STMN3: variants seen among roughly 807,000 people sequenced by gnomAD.
The protein encoded by STMN3 is stathmin-3.
In STMN3, 24 loss-of-function variants were observed where a neutral mutation model predicts 23.2. The observed-to-expected ratio is 1.03, with a 90% CI of 0.75 to 1.45. The LOEUF (loss-of-function observed/expected upper bound fraction) is 1.45. Ranked by LOEUF, STMN3 falls within the 40% of genes most tolerant of loss-of-function variation. The pLI is 0.00. For missense variants in STMN3, 235 were observed against 237.6 expected (o/e 0.99, Z 0.07); for synonymous variants, 117 against 103.4 (o/e 1.13, Z -0.80).
rs372125936 is a variant in STMN3 at position 63,644,192 on chromosome 20, C to A, written c.115+22G>T. Reference sequence around the variant, plus strand: ...GGTGGGCAGGCACCGCAGGGAAGGGCAGGCGGCAGCCAGGCACTCACCCCC... The same window carrying A: ...GGTGGGCAGGCACCGCAGGGAAGGGAAGGCGGCAGCCAGGCACTCACCCCC... On this transcript the variant is annotated intron_variant, in intron 2 of 4. Coordinates refer to ENST00000370053, the MANE Select transcript of STMN3 (RefSeq NM_015894.4). The A allele has an allele frequency of 2.9e-4, 470 of 1,602,860 alleles. 1 individual carries two copies. Among genetic ancestry groups the A allele is most frequent in the Admixed American group, 1.7e-3 (100 of 59,844 alleles).
At chr20:63,646,084 G>A (rs888001705) in intron 1 of STMN3, among the ~76,000 whole-genome samples, 1 of 152,134 alleles carries the variant, frequency 6.6e-6, no homozygotes, top group African/African-American at 2.4e-5. Context: ...GTCTTCTGGT[G>A]ACAGTGCAGA....
intron 1 of STMN3, among the ~76,000 whole-genome samples, chr20:63,646,671 C>T (rs1220267718): frequency 6.6e-6 from 1 of 151,856 alleles, no homozygotes; most frequent in Non-Finnish European, 1.5e-5. Context: ...TTTTTAGAAA[C>T]AGGACTGTGC....
chr20:63,641,844 C>A (rs2089765891), intron 4 of STMN3, among the ~76,000 whole-genome samples: 1 of 143,846 alleles, frequency 7.0e-6, no homozygotes, highest in Non-Finnish European at 1.5e-5. Flanking sequence ...TCCGCCCTAG[C>A]CCCGCCCCCG....
chr20:63,642,375 TC>T, intron 3 of STMN3, 76 bp from the exon 4 acceptor site: 1 of 1,134,532 alleles, frequency 8.8e-7, no homozygotes, highest in Non-Finnish European at 1.1e-6. Flanking sequence ...GCTCTCCGCC[TC>T]CCGCCCAGCG....
At chr20:63,642,695 A>G (rs2089778701) in intron 3 of STMN3, among the ~76,000 whole-genome samples, 2 of 152,208 alleles carry the variant, frequency 1.3e-5, no homozygotes, top group Non-Finnish European at 2.9e-5. Flanking sequence ...TTCCTCGGAC[A>G]TCCGCCCACT....
intron 3 of STMN3, among the ~76,000 whole-genome samples, 181 bp from the exon 4 acceptor site, chr20:63,642,480 G>A (rs1239035542): frequency 6.6e-6 from 1 of 151,714 alleles, no homozygotes; most frequent in Admixed American, 6.6e-5. Flanking sequence ...CTGCCATCCG[G>A]CCTGTGGTCG....
At position 63,652,135 on chromosome 20, in the gene STMN3, GTGC is replaced by G. The variant is rs2089864563; in HGVS notation, c.19+1189_19+1191del. On this transcript the variant is annotated intron_variant, in intron 1 of 4. Transcript: ENST00000370053. The surrounding 1 kb of genome is among the most constrained non-coding windows in gnomAD (Gnocchi z 5.3). ...GACACACACGGTCCCCTCCTGGCAGGTGCTGAAGTCACCTGGAGCCTCCAAGCC... is the reference window on the plus strand; with the variant it reads ...GACACACACGGTCCCCTCCTGGCAGGTGAAGTCACCTGGAGCCTCCAAGCC... The G allele has an allele frequency of 6.6e-6, 1 of 152,318 alleles. No homozygotes were observed. The highest frequency in any genetic ancestry group is 1.5e-5 in the Non-Finnish European group (1 of 68,116). 9.4% of individuals were successfully genotyped at this position (152,318 alleles called of 1,614,324 possible).
chr20:63,653,412 C>T lies in STMN3; in HGVS notation c.-67G>A. On this transcript the variant is annotated 5_prime_UTR_variant, in exon 1 of 5. Transcript: ENST00000370053. Reference sequence around the variant, plus strand: ...AAGTGGCGGCCGGAGCTGCAGACGGCTGGTGCTGCAGTGCCGGGGAGGGGA... The same window carrying T: ...AAGTGGCGGCCGGAGCTGCAGACGGTTGGTGCTGCAGTGCCGGGGAGGGGA... The T allele has an allele frequency of 7.9e-7, 1 of 1,273,452 alleles. No homozygotes were observed. The highest frequency in any genetic ancestry group is 1.0e-6 in the Non-Finnish European group (1 of 975,960). The allele number at this position is 1,273,452 out of a possible 1,614,324, so 78.9% of individuals were successfully genotyped here. A position where few individuals can be genotyped will look rare whatever the true frequency, so the allele number is the denominator to read the frequency against.
chr20:63,650,543 C>T lies in STMN3; in HGVS notation c.19+2784G>A, dbSNP rs1319364184. 5.1e-4 allele frequency among the ~76,000 whole-genome samples: 65 copies of T among 127,432 alleles called. 1 individual carries two copies. The highest frequency in any genetic ancestry group is 4.9e-3 in the Admixed American group (64 of 12,996). The allele number at this position is 127,432 out of a possible 152,430, so 83.6% of individuals were successfully genotyped here. On this transcript the variant is annotated intron_variant, in intron 1 of 4. Coordinates refer to ENST00000370053, the MANE Select transcript of STMN3 (RefSeq NM_015894.4). ...TGCCCACTCCCAGGGTCACACCTCA[C>T]GCCCACCCCTCCCGTCGCCCAGGTG...
chr20:63,652,861 G>C lies in STMN3; in HGVS notation c.19+466C>G. On this transcript the variant is annotated intron_variant, in intron 1 of 4. Transcript: ENST00000370053. The surrounding 1 kb of genome is among the most constrained non-coding windows in gnomAD (Gnocchi z 5.3). ...CCTCCAGCCCCTGTGCTGCACTGGC[G>C]CGGGGAGCGCCGGGTTCCCGGCTGG... The C allele has an allele frequency of 1.1e-6, 1 of 912,556 alleles. No homozygotes were observed. The allele number at this position is 912,556 out of a possible 1,614,324, so 56.5% of individuals were successfully genotyped here.
At chr20:63,642,753 G>C (rs2089779231) in intron 3 of STMN3, among the ~76,000 whole-genome samples, 1 of 152,200 alleles carries the variant, frequency 6.6e-6, no homozygotes, top group African/African-American at 2.4e-5. Flanking sequence ...CTCCCAATTA[G>C]GTGCCCAGGA....
chr20:63,644,253 A>C lies in STMN3; in HGVS notation c.76T>G (p.Tyr26Asp). The C allele has an allele frequency of 6.2e-7, 1 of 1,613,790 alleles. No individual in the cohort carries two copies. The highest frequency in any genetic ancestry group is 8.5e-7 in the Non-Finnish European group (1 of 1,179,886). ...ACGGTATTGGGGTGCGGCTGTGTGTAGAAGCAGGAGCAGATGAGCGACAGC... is the reference window on the plus strand; with the variant it reads ...ACGGTATTGGGGTGCGGCTGTGTGTCGAAGCAGGAGCAGATGAGCGACAGC... ...SVLSLICSCF[Y>D]TQPHPNTVYQ... The change falls in exon 2 of 5, where the codon TAC (tyrosine) becomes GAC (aspartate). Residue 26 changes from tyrosine (Y) to aspartate (D), a missense_variant. By Grantham distance (160) the Tyr-to-Asp change is radical (BLOSUM62 -3). Transcript: ENST00000370053.
At chr20:63,641,523 G>A in intron 4 of STMN3, 126 bp from the exon 5 acceptor site, 2 of 702,286 alleles carry the variant, frequency 2.8e-6, no homozygotes, top group Middle Eastern at 4.0e-4. Flanking sequence ...CCTTCGGCAG[G>A]ACCCTGACTG....
chr20:63,651,079 T>G (rs993519898), intron 1 of STMN3, among the ~76,000 whole-genome samples: 6 of 151,788 alleles, frequency 4.0e-5, no homozygotes, highest in African/African-American at 1.5e-4. Context: ...CCTGCCTCAG[T>G]CTCCCAGATT....
intron 1 of STMN3, 116 bp from the exon 2 acceptor site, chr20:63,644,425 C>T (rs2089793385): frequency 1.3e-6 from 1 of 756,862 alleles, no homozygotes; most frequent in Non-Finnish European, 2.2e-6. Context: ...AGCTGCCCAG[C>T]ACGCTCTCTT....
intron 4 of STMN3, 147 bp downstream of exon 4, chr20:63,641,959 TCC>T (rs2089769768): frequency 7.3e-5 from 5 of 68,572 alleles, no homozygotes; most frequent in Non-Finnish European, 1.1e-4. Flanking sequence ...CGCTCCGAGC[TCC>T]GCCCTGGCCC....
At position 63,641,322 on chromosome 20, in the gene STMN3, C is replaced by G. The variant is rs1406283919; in HGVS notation, c.*16G>C. ...ACGTGTTCTGTCGCAGGATGGGCGC[C>G]GCCCGTCCCGGGCCCTTAGCCCGAC... is the stretch of plus-strand genomic sequence containing the variant. On this transcript the variant is annotated 3_prime_UTR_variant, in exon 5 of 5. Transcript: ENST00000370053. 6.4e-7 allele frequency: 1 copy of G among 1,559,584 alleles called. No individual in the cohort carries two copies. The highest frequency in any genetic ancestry group is 1.9e-5 in the Admixed American group (1 of 52,832).
At chr20:63,644,450 C>G in intron 1 of STMN3, 141 bp from the exon 2 acceptor site, 1 of 645,672 alleles carries the variant, frequency 1.5e-6, no homozygotes, top group Non-Finnish European at 2.7e-6. Flanking sequence ...GTCTCCACAC[C>G]GCCGGCCCCT....
chr20:63,647,788 A>G (rs1212958202), intron 1 of STMN3, among the ~76,000 whole-genome samples: 1 of 126,408 alleles, frequency 7.9e-6, no homozygotes, highest in East Asian at 2.0e-4. Context: ...GTATATATAT[A>G]ATATATATAC....
Sources: gnomAD v4.1 joint callset for allele counts (sites outside exome capture counted in the v4.1 genomes callset) on GRCh38, gnomAD v4.1.1 for gene constraint, Gnocchi (gnomAD v3.1) non-coding constraint, MANE v1.5 for transcripts, NCBI Gene and HGNC (gene_info 2026-07-23, HGNC 2026-07-21) for gene names.